The following FSD1L variants were observed in gnomAD, a reference collection of about 807,000 sequenced individuals.
The protein encoded by FSD1L is fibronectin type III and SPRY domain containing 1 like, also known as FSD1-like protein.
Under a neutral mutation model 71.6 loss-of-function variants are expected in FSD1L, and 45 were observed. The observed-to-expected ratio is 0.63, with a 90% confidence interval of 0.49 to 0.81. The LOEUF (loss-of-function observed/expected upper bound fraction) is 0.81. FSD1L is among the 30% of genes least tolerant of loss of function. The pLI is 0.00. For missense variants in FSD1L, 561 were observed against 618.1 expected (o/e 0.91, Z 0.98); for synonymous variants, 197 against 207.2 (o/e 0.95, Z 0.42).
At chr9:105,522,797 A>T in intron 10 of FSD1L, 1 of 1,613,526 alleles carries the variant, frequency 6.2e-7, no homozygotes, top group Non-Finnish European at 8.5e-7. Flanking sequence ...AATGACTTCG[A>T]AGTGGTAATG....
upstream of FSD1L, among the ~76,000 whole-genome samples, chr9:105,443,568 G>A (rs1286459197): frequency 1.6e-4 from 24 of 152,142 alleles, no homozygotes; most frequent in Admixed American, 1.5e-3. Flanking sequence ...CCCAGGATCA[G>A]AAATTTTTGC....
At chr9:105,524,249 A>G (rs1481182317) in intron 10 of FSD1L, 6 of 1,612,394 alleles carry the variant, frequency 3.7e-6, no homozygotes, top group Non-Finnish European at 5.1e-6. Context: ...ATAAAACAGT[A>G]GCCCACGTAG....
At chr9:105,448,740 C>A (rs189429792) in intron 1 of FSD1L, among the ~76,000 whole-genome samples, 1 of 152,306 alleles carries the variant, frequency 6.6e-6, no homozygotes, top group African/African-American at 2.4e-5. Context: ...CCACCGCTCC[C>A]CTTCCCATGA....
chr9:105,464,234 A>C lies in FSD1L; in HGVS notation c.112-2A>C. 6.9e-7 allele frequency: 1 copy of C among 1,443,670 alleles called. No individual in the cohort carries two copies. The highest frequency in any genetic ancestry group is 9.4e-7 in the Non-Finnish European group (1 of 1,066,098). 89.4% of individuals were successfully genotyped at this position (1,443,670 alleles called of 1,614,324 possible). A position where few individuals can be genotyped will look rare whatever the true frequency, so the allele number is the denominator to read the frequency against. ...GTATTTTAATGCTTTTCTTAATTCT[A>C]GGAAGCTCTACAGAGGATCATTTCA... On this transcript the variant is annotated splice_acceptor_variant, in intron 2 of 13. Coordinates refer to ENST00000481272, the MANE Select transcript of FSD1L (RefSeq NM_001145313.3). LOFTEE classifies it high-confidence loss of function.
rs1261107206 is a variant in FSD1L, at chr9:105,508,682, G to C, written c.862G>C (p.Glu288Gln). 24 of 1,550,738 alleles carry C rather than the reference G, an allele frequency of 1.5e-5. No homozygotes were observed. Among genetic ancestry groups the C allele is most frequent in the Non-Finnish European group, 2.0e-5 (23 of 1,146,076 alleles). ...AGCTTGTAACAAGGCTGTGGCTGGAGAGTATTCTGATCCAGTGACTCTAGA... is the reference window on the plus strand; with the variant it reads ...AGCTTGTAACAAGGCTGTGGCTGGACAGTATTCTGATCCAGTGACTCTAGA... ...VRACNKAVAG[E>Q]YSDPVTLETK... The change falls in exon 9 of 14, where the codon GAG (glutamate) becomes CAG (glutamine). Residue 288 changes from glutamate (E) to glutamine (Q), a missense_variant. Coordinates refer to ENST00000481272, the MANE Select transcript of FSD1L (RefSeq NM_001145313.3).
chr9:105,539,917 AT>A (rs1836499427), intron 13 of FSD1L, among the ~76,000 whole-genome samples: 1 of 152,074 alleles, frequency 6.6e-6, no homozygotes, highest in Admixed American at 6.6e-5. Context: ...GGTGGTTTCC[AT>A]TTGGGGGCTA....
At chr9:105,488,721 T>TA (rs1231635924) in intron 7 of FSD1L, among the ~76,000 whole-genome samples, 2 of 152,152 alleles carry the variant, frequency 1.3e-5, no homozygotes, top group African/African-American at 2.4e-5. Context: ...ATTTCCCTAA[T>TA]GACATATTAT....
rs1441047262 is a variant in FSD1L at position 105,512,855 on chromosome 9, T to C, written c.944T>C (p.Val315Ala). 4 of 1,541,086 alleles carry C rather than the reference T, an allele frequency of 2.6e-6. No homozygotes were observed. Among genetic ancestry groups the C allele is most frequent in the Non-Finnish European group, 3.5e-6 (4 of 1,141,024 alleles). The stretch of plus-strand genomic sequence containing the variant: ...TCCTCATCCCATTTGAACCTGAAAG[T>C]TGAAGATACATGTGTAGAGTGGGAT... The part of the protein sequence containing the change: ...DNSSSHLNLK[V>A]EDTCVEWDPT... The change falls in exon 10 of 14, where the codon GTT (valine) becomes GCT (alanine). Residue 315 changes from valine to alanine, a missense_variant. Around this residue, in one of 3 missense-constraint regions of FSD1L, gnomAD observed 410 missense variants for 413.5 expected, o/e 0.99. Coordinates refer to ENST00000481272, the MANE Select transcript of FSD1L (RefSeq NM_001145313.3).
At chr9:105,496,066 G>A (rs763718084) in intron 7 of FSD1L, among the ~76,000 whole-genome samples, 2 of 151,140 alleles carry the variant, frequency 1.3e-5, no homozygotes, top group Admixed American at 6.6e-5. Flanking sequence ...TCCCCTTGAC[G>A]ATGTCTTTTA....
chr9:105,538,104 T>C (rs1836380050), intron 12 of FSD1L, among the ~76,000 whole-genome samples: 3 of 152,294 alleles, frequency 2.0e-5, no homozygotes, highest in Middle Eastern at 3.4e-3. Flanking sequence ...TAGCAAGCAT[T>C]TTGAAATTCA....
intron 10 of FSD1L, among the ~76,000 whole-genome samples, chr9:105,533,588 A>G (rs1404586212): frequency 6.8e-6 from 1 of 148,032 alleles, no homozygotes; most frequent in Non-Finnish European, 1.5e-5. Flanking sequence ...ACACCCAGCT[A>G]ATTTTTGTAT....
At chr9:105,525,930 G>T in intron 10 of FSD1L, 1 of 1,567,084 alleles carries the variant, frequency 6.4e-7, no homozygotes, top group Non-Finnish European at 8.8e-7. Context: ...ATGATTCTTT[G>T]ACCAAAAAAT....
At chr9:105,506,802 T>C (rs1321516984) in intron 8 of FSD1L, among the ~76,000 whole-genome samples, 194 bp downstream of exon 8, 1 of 151,846 alleles carries the variant, frequency 6.6e-6, no homozygotes, top group Non-Finnish European at 1.5e-5. Context: ...AGGATCTTGT[T>C]CTATTATCTC....
chr9:105,526,208 T>C (rs1022804095), intron 10 of FSD1L: 2 of 1,596,876 alleles, frequency 1.3e-6, no homozygotes, highest in African/African-American at 1.3e-5. Context: ...AAATCTCTGA[T>C]TCCATTGTAT....
At chr9:105,485,080 A>G (rs1013056391) in intron 7 of FSD1L, among the ~76,000 whole-genome samples, 2 of 152,220 alleles carry the variant, frequency 1.3e-5, no homozygotes, top group African/African-American at 4.8e-5. Context: ...GCAGTAGCCA[A>G]AACCATTTGT....
At chr9:105,470,803 A>G (rs1299711696) in intron 4 of FSD1L, among the ~76,000 whole-genome samples, 1 of 152,202 alleles carries the variant, frequency 6.6e-6, no homozygotes, top group South Asian at 2.1e-4. Flanking sequence ...TCGTTTATTC[A>G]TAAAGTTTCC....
upstream of FSD1L, chr9:105,448,014 C>T (rs1254938093): frequency 1.7e-6 from 1 of 596,758 alleles, no homozygotes; most frequent in East Asian, 3.4e-5. Flanking sequence ...CTCCTCAGCC[C>T]CTCCCTTCTG....
chr9:105,461,671 G>A, intron 2 of FSD1L, 56 bp downstream of exon 2: 11 of 1,047,660 alleles, frequency 1.0e-5, no homozygotes, highest in Middle Eastern at 2.0e-4. Flanking sequence ...TTCAAAATTA[G>A]AGCATTTAGA....
At chr9:105,490,602 A>T (rs1323584937) in intron 7 of FSD1L, among the ~76,000 whole-genome samples, 4 of 144,962 alleles carry the variant, frequency 2.8e-5, no homozygotes. Flanking sequence ...CTGAATGGTA[A>T]TGCCTAGGTT....
Sources: allele counts gnomAD v4.1 joint callset (sites outside exome capture counted in the v4.1 genomes callset), GRCh38; gene constraint gnomAD v4.1.1; regional missense constraint gnomAD v4.1.1; transcripts MANE v1.5; gene names NCBI Gene and HGNC (gene_info 2026-07-23, HGNC 2026-07-21).